Variants in MECOM observed in about 807,000 individuals in gnomAD.
MECOM encodes the protein MDS1 and EVI1 complex locus.
Under a neutral mutation model 116.3 loss-of-function variants are expected in MECOM, and 13 were observed. That is an observed-to-expected ratio of 0.11 (90% confidence interval 0.07 to 0.18). MECOM has a LOEUF of 0.18. Ranked by LOEUF, MECOM falls within the 10% of genes least tolerant of loss-of-function variation. The probability of loss-of-function intolerance (pLI) is 1.00; values close to 1 mark genes in which losing one functional copy is unlikely to be tolerated. For missense variants in MECOM, 1,299 were observed against 1,509.0 expected (o/e 0.86, Z 2.31); for synonymous variants, 528 against 535.2 (o/e 0.99, Z 0.19).
chr3:169,501,405 T>C (rs1469742890), intron 1 of MECOM, among the ~76,000 whole-genome samples: 1 of 152,066 alleles, frequency 6.6e-6, no homozygotes, highest in Non-Finnish European at 1.5e-5. Flanking sequence ...AAAGGCATTT[T>C]ACATTCAAGA....
intron 1 of MECOM, among the ~76,000 whole-genome samples, chr3:169,601,717 G>A (rs1247364027): frequency 6.6e-6 from 1 of 152,126 alleles, no homozygotes; most frequent in Non-Finnish European, 1.5e-5. Flanking sequence ...ATGAAAATGT[G>A]CCCCATCCCA....
intron 1 of MECOM, among the ~76,000 whole-genome samples, chr3:169,446,576 G>C (rs570055642): frequency 6.6e-6 from 1 of 152,292 alleles, no homozygotes; most frequent in South Asian, 2.1e-4. Flanking sequence ...ACCTTGCCCT[G>C]AGTTTACATC....
chr3:169,192,916 C>T (rs1316747685), intron 2 of MECOM, among the ~76,000 whole-genome samples: 2 of 151,878 alleles, frequency 1.3e-5, no homozygotes, highest in Non-Finnish European at 2.9e-5. Flanking sequence ...TGTTTGGGCT[C>T]AAGAATATGC....
At chr3:169,569,934 T>G (rs1763681700) in intron 1 of MECOM, among the ~76,000 whole-genome samples, 1 of 151,990 alleles carries the variant, frequency 6.6e-6, no homozygotes, top group Admixed American at 6.5e-5. Flanking sequence ...TTAAAAGAAC[T>G]AGAGAAGCAA....
intron 1 of MECOM, among the ~76,000 whole-genome samples, chr3:169,574,247 G>A (rs1764242363): frequency 6.6e-6 from 1 of 152,074 alleles, no homozygotes; most frequent in Non-Finnish European, 1.5e-5. Flanking sequence ...CTGACCTACA[G>A]ATGAATTATG....
rs1009035903 is a variant in MECOM, at chr3:169,381,177, A to G, written c.375+10T>C. 6.9e-6 allele frequency: 11 copies of G among 1,589,374 alleles called. No homozygotes were observed. The highest frequency in any genetic ancestry group is 8.6e-6 in the Non-Finnish European group (10 of 1,163,630). ...ATATATAAATGTGTTAACTCAAAATACATTCTTACCTCCCATCCATAACTG... is the reference window on the plus strand; with the variant it reads ...ATATATAAATGTGTTAACTCAAAATGCATTCTTACCTCCCATCCATAACTG... On this transcript the variant is annotated intron_variant, in intron 2 of 16. Transcript: ENST00000651503.
At chr3:169,352,188 T>C (rs1344028018) in intron 2 of MECOM, among the ~76,000 whole-genome samples, 3 of 151,960 alleles carry the variant, frequency 2.0e-5, no homozygotes, top group Non-Finnish European at 4.4e-5. Flanking sequence ...TAGTTACTAA[T>C]ATTTAAAACA....
chr3:169,198,766 C>G (rs149038490), intron 2 of MECOM, among the ~76,000 whole-genome samples: 1 of 151,820 alleles, frequency 6.6e-6, no homozygotes, highest in African/African-American at 2.4e-5. Context: ...CATAACAGGC[C>G]GGTGCAGTGG....
chr3:169,343,161 C>T (rs1187687357), intron 2 of MECOM, among the ~76,000 whole-genome samples: 5 of 152,148 alleles, frequency 3.3e-5, no homozygotes. Context: ...TTTCTCCTGT[C>T]TTTAGCAGGT....
intron 2 of MECOM, among the ~76,000 whole-genome samples, chr3:169,281,170 A>C (rs1476999930): frequency 1.3e-5 from 2 of 152,220 alleles, no homozygotes; most frequent in Non-Finnish European, 2.9e-5. Context: ...AGAAATGCAG[A>C]ATCTCCATCC....
intron 2 of MECOM, among the ~76,000 whole-genome samples, chr3:169,202,819 CAAAAAAA>C (rs11287862): frequency 2.2e-5 from 2 of 90,284 alleles, no homozygotes; most frequent in East Asian, 2.8e-4. Context: ...TTGCCATTAG[CAAAAAAA>C]AAAAAAAAAA....
At chr3:169,261,148 T>A (rs141779592) in intron 2 of MECOM, among the ~76,000 whole-genome samples, 2 of 152,310 alleles carry the variant, frequency 1.3e-5, no homozygotes, top group African/African-American at 4.8e-5. Flanking sequence ...AGATGTTATA[T>A]CCTAAAGATA....
chr3:169,122,597 A>G lies in MECOM; in HGVS notation c.961T>C (p.Cys321Arg), dbSNP rs766563457. The G allele has an allele frequency of 5.0e-6, 8 of 1,614,038 alleles. No homozygotes were observed. Among genetic ancestry groups the G allele is most frequent in the Non-Finnish European group, 6.8e-6 (8 of 1,179,910 alleles). Residue 321 changes from cysteine (C) to arginine (R), a missense_variant, in exon 6 of 17, where the codon TGT (cysteine) becomes CGT (arginine). Transcript: ENST00000651503. ...MSHDSGKHYE[C>R]ENCAKVFTDP... is the part of the protein sequence containing the mutation. Reference sequence around the variant, plus strand: ...CACTGTACCTTGGCACAGTTTTCACATTCATAGTGCTTTCCACTGTCATGT... The same window carrying G: ...CACTGTACCTTGGCACAGTTTTCACGTTCATAGTGCTTTCCACTGTCATGT...
chr3:169,312,655 G>A (rs1719019868), intron 2 of MECOM, among the ~76,000 whole-genome samples: 1 of 152,210 alleles, frequency 6.6e-6, no homozygotes, highest in African/African-American at 2.4e-5. Context: ...CGGGATTACA[G>A]GCGTGAGCCG....
chr3:169,280,188 T>C (rs1711624564), intron 2 of MECOM, among the ~76,000 whole-genome samples: 1 of 152,198 alleles, frequency 6.6e-6, no homozygotes, highest in South Asian at 2.1e-4. Context: ...CTCCCTTTGC[T>C]TTTACTGTAA....
In MECOM at chr3:169,628,636, C is replaced by T. The variant is rs116453526; in HGVS notation, c.37+34700G>A. Among the ~76,000 whole-genome samples, 1,169 of 152,210 alleles carry T rather than the reference C, an allele frequency of 7.7e-3. 7 individuals carry two copies. The highest frequency in any genetic ancestry group is 0.013 in the Non-Finnish European group (893 of 67,992). On this transcript the variant is annotated intron_variant, in intron 1 of 16. Coordinates refer to ENST00000651503, the MANE Select transcript of MECOM (RefSeq NM_004991.4). The stretch of plus-strand genomic sequence containing the variant: ...CAAGACTCCAAAGCATCTCAGGGGA[C>T]GGAACAATTCATTCCGCAGTGCAGT...
At chr3:169,209,858 A>G (rs1244919364) in intron 2 of MECOM, among the ~76,000 whole-genome samples, 1 of 152,214 alleles carries the variant, frequency 6.6e-6, no homozygotes, top group Non-Finnish European at 1.5e-5. Flanking sequence ...TACTGGATTT[A>G]TACCCAAAGA....
chr3:169,361,772 TG>T (rs1728339873), intron 2 of MECOM, among the ~76,000 whole-genome samples: 1 of 151,890 alleles, frequency 6.6e-6, no homozygotes. Flanking sequence ...CTTTTGCTGT[TG>T]TTGACAAAAG....
At chr3:169,266,571 G>A (rs952875945) in intron 2 of MECOM, among the ~76,000 whole-genome samples, 8 of 152,146 alleles carry the variant, frequency 5.3e-5, no homozygotes, top group Non-Finnish European at 7.3e-5. Flanking sequence ...CTCACTGAAC[G>A]TGGAGAGCCA....
Sources: allele counts gnomAD v4.1 joint callset (sites outside exome capture counted in the v4.1 genomes callset), GRCh38; gene constraint gnomAD v4.1.1; transcripts MANE v1.5; gene names NCBI Gene and HGNC (gene_info 2026-07-23, HGNC 2026-07-21).